CNTNAP2: variants seen among roughly 807,000 people sequenced by gnomAD.
CNTNAP2 encodes contactin-associated protein-like 2.
A neutral mutation model predicts 155.2 loss-of-function variants in CNTNAP2; 98 were observed. The ratio of observed to expected loss-of-function variants is 0.63; its 90% CI spans 0.54 to 0.75. The LOEUF (loss-of-function observed/expected upper bound fraction) is 0.75. Among genes scored for constraint, CNTNAP2 ranks in the 30% least tolerant of loss-of-function variants. The pLI, the probability that CNTNAP2 is intolerant of heterozygous loss-of-function variation, is 0.00. For missense variants in CNTNAP2, 1,727 were observed against 1,688.1 expected (o/e 1.02, Z -0.40); for synonymous variants, 651 against 631.2 (o/e 1.03, Z -0.47).
At chr7:147,810,281 T>C (rs1398213723) in intron 13 of CNTNAP2, among the ~76,000 whole-genome samples, 1 of 151,594 alleles carries the variant, frequency 6.6e-6, no homozygotes, top group Non-Finnish European at 1.5e-5. Flanking sequence ...GCATATTATT[T>C]TGGAAGATCA....
intron 13 of CNTNAP2, among the ~76,000 whole-genome samples, chr7:147,792,135 A>G (rs988757995): frequency 2.6e-5 from 4 of 152,158 alleles, no homozygotes; most frequent in African/African-American, 9.7e-5. Context: ...TTCTCCACGT[A>G]TTATAGTATA....
At chr7:147,143,120 C>A (rs1801633664) in intron 8 of CNTNAP2, among the ~76,000 whole-genome samples, 1 of 152,120 alleles carries the variant, frequency 6.6e-6, no homozygotes, top group African/African-American at 2.4e-5. Context: ...AATAGGTAAT[C>A]AATACTTTCA....
chr7:146,533,243 T>C (rs1036052487), intron 1 of CNTNAP2, among the ~76,000 whole-genome samples: 1 of 152,028 alleles, frequency 6.6e-6, no homozygotes, highest in African/African-American at 2.4e-5. Context: ...CCCAGGACTT[T>C]AAAGGTGGTC....
intron 8 of CNTNAP2, among the ~76,000 whole-genome samples, chr7:147,144,455 T>G (rs1471864879): frequency 6.6e-6 from 1 of 152,194 alleles, no homozygotes; most frequent in Admixed American, 6.5e-5. Context: ...TCTCCACTTT[T>G]ACCACGTATT....
At chr7:146,442,738 C>T (rs1796338311) in intron 1 of CNTNAP2, among the ~76,000 whole-genome samples, 1 of 152,048 alleles carries the variant, frequency 6.6e-6, no homozygotes, top group African/African-American at 2.4e-5. Context: ...CACACCTAGC[C>T]CTGTTCCGTG....
intron 13 of CNTNAP2, among the ~76,000 whole-genome samples, chr7:147,874,196 G>A (rs1271637960): frequency 6.6e-6 from 1 of 152,200 alleles, no homozygotes; most frequent in African/African-American, 2.4e-5. Context: ...TCTTCTCACA[G>A]CTCCACTATG....
At chr7:146,282,551 A>G (rs1278502809) in intron 1 of CNTNAP2, among the ~76,000 whole-genome samples, 1 of 152,248 alleles carries the variant, frequency 6.6e-6, no homozygotes, top group African/African-American at 2.4e-5. Flanking sequence ...TTCATTTGAT[A>G]TTAATGAAGT....
chr7:146,464,376 A>G (rs1328920508), intron 1 of CNTNAP2, among the ~76,000 whole-genome samples: 3 of 152,114 alleles, frequency 2.0e-5, no homozygotes, highest in Admixed American at 1.3e-4. Context: ...GAAGAAATCT[A>G]CGTAACAGAT....
intron 3 of CNTNAP2, among the ~76,000 whole-genome samples, chr7:146,984,319 A>G (rs953000107): frequency 6.8e-6 from 1 of 147,024 alleles, no homozygotes; most frequent in Non-Finnish European, 1.5e-5. Flanking sequence ...GTGAGCCAAG[A>G]TTGTGCCACT....
chr7:146,473,448 CT>C (rs1250217147), intron 1 of CNTNAP2, among the ~76,000 whole-genome samples: 2 of 152,010 alleles, frequency 1.3e-5, no homozygotes. Flanking sequence ...ACTATAAAAA[CT>C]TCAAAACAGC....
At chr7:147,524,978 T>C (rs1212957833) in intron 11 of CNTNAP2, among the ~76,000 whole-genome samples, 2 of 152,208 alleles carry the variant, frequency 1.3e-5, no homozygotes, top group Non-Finnish European at 2.9e-5. Context: ...AAACAATTGC[T>C]TGTTATATCT....
At chr7:147,369,318 TTC>T (rs1014568455) in intron 9 of CNTNAP2, among the ~76,000 whole-genome samples, 11 of 152,212 alleles carry the variant, frequency 7.2e-5, no homozygotes, top group African/African-American at 2.4e-4. Flanking sequence ...ACCAAACTCA[TTC>T]TCTGTCTCCC....
intron 8 of CNTNAP2, among the ~76,000 whole-genome samples, chr7:147,254,035 T>C (rs531655706): frequency 8.1e-4 from 124 of 152,314 alleles, no homozygotes; most frequent in African/African-American, 2.1e-3. Flanking sequence ...TGTCTTCAAG[T>C]ATCTCTGAAT....
intron 20 of CNTNAP2, among the ~76,000 whole-genome samples, chr7:148,245,067 A>G (rs1034208334): frequency 2.0e-5 from 3 of 152,116 alleles, no homozygotes; most frequent in African/African-American, 7.2e-5. Flanking sequence ...ATGAAAAGCA[A>G]TTTTGGACTG....
intron 1 of CNTNAP2, among the ~76,000 whole-genome samples, chr7:146,622,134 T>C (rs1162768658): frequency 7.5e-6 from 1 of 133,372 alleles, no homozygotes; most frequent in African/African-American, 3.1e-5. Flanking sequence ...TATGTGTATA[T>C]ATATATATAC....
At chr7:148,050,265 C>G (rs939946942) in intron 15 of CNTNAP2, among the ~76,000 whole-genome samples, 24 of 152,196 alleles carry the variant, frequency 1.6e-4, no homozygotes, top group Admixed American at 1.2e-3. Context: ...GTGTGTGTCA[C>G]TGCCCCTGAA....
chr7:146,277,367 A>G (rs1259136526), intron 1 of CNTNAP2, among the ~76,000 whole-genome samples: 1 of 152,224 alleles, frequency 6.6e-6, no homozygotes, highest in Non-Finnish European at 1.5e-5. Flanking sequence ...AGTAAAAGTC[A>G]TGAACGGCAG....
chr7:148,343,303 T>C (rs1448922305), intron 21 of CNTNAP2, among the ~76,000 whole-genome samples: 1 of 152,174 alleles, frequency 6.6e-6, no homozygotes, highest in Non-Finnish European at 1.5e-5. Flanking sequence ...CAAAAGTGGC[T>C]CCCGTCCCGG....
chr7:148,116,534 C>T (rs1272035031), intron 15 of CNTNAP2, among the ~76,000 whole-genome samples: 2 of 152,194 alleles, frequency 1.3e-5, no homozygotes, highest in East Asian at 1.9e-4. Flanking sequence ...TCACGAATCA[C>T]TGAATGTCCA....
Sources: gnomAD v4.1 joint callset for allele counts (sites outside exome capture counted in the v4.1 genomes callset) on GRCh38, gnomAD v4.1.1 for gene constraint, MANE v1.5 for transcripts, NCBI Gene and HGNC (gene_info 2026-07-23, HGNC 2026-07-21) for gene names.